Variants in IPO4 observed in about 807,000 individuals in gnomAD.
IPO4 encodes importin-4.
In IPO4, 91 loss-of-function variants were observed where a neutral mutation model predicts 133.5. The ratio of observed to expected loss-of-function variants is 0.68; its 90% confidence interval spans 0.58 to 0.81. IPO4 has a LOEUF of 0.81. IPO4 is among the 30% of genes least tolerant of loss of function. The pLI, the probability that IPO4 is intolerant of heterozygous loss-of-function variation, is 0.00. For missense variants in IPO4, 1,279 were observed against 1,386.2 expected (o/e 0.92, Z 1.23); for synonymous variants, 607 against 581.6 (o/e 1.04, Z -0.63).
intron 28 of IPO4, among the ~76,000 whole-genome samples, chr14:24,181,033 C>A (rs2039128931): frequency 6.6e-6 from 1 of 152,182 alleles, no homozygotes; most frequent in Admixed American, 6.5e-5. Flanking sequence ...TTCACCTACA[C>A]AACAGTCTCT....
Position 24,184,913 on chromosome 14 carries a change from G to T in IPO4, c.1476C>A (p.Ser492Arg). ...ECMLQLLRNP[S>R]SPRAKELAVS... ...CAGCCAGCTCCTTGGCCCGGGGACT[G>T]CTGGGGTTCCTCAGAAGCTGCAGCA... Residue 492 changes from serine (S) to arginine (R), a missense_variant, in exon 15 of 30, where the codon AGC becomes AGA. By Grantham distance (110) the Ser-to-Arg change is moderately radical. This residue lies in a region of IPO4 where 695 missense variants were observed against 704.1 expected (regional missense o/e 0.99). Transcript: ENST00000354464. 6.2e-7 allele frequency: 1 copy of T among 1,614,124 alleles called. No individual in the cohort carries two copies. The highest frequency in any genetic ancestry group is 8.5e-7 in the Non-Finnish European group (1 of 1,180,016).
At position 24,186,071 on chromosome 14, in the gene IPO4, T is replaced by G. The variant is rs755988545; in HGVS notation, c.1059+58A>C. 151 of 1,606,344 alleles carry G rather than the reference T, an allele frequency of 9.4e-5. 1 individual carries two copies. The highest frequency in any genetic ancestry group is 1.3e-4 in the Non-Finnish European group (148 of 1,173,746). ...TCCCAGGGTCTAAACGTCGTTGGCC[T>G]CAGGGGGACTAGGCACACTTGGAGG... is the stretch of plus-strand genomic sequence containing the variant. On this transcript the variant is annotated intron_variant, in intron 11 of 29. Transcript: ENST00000354464.
intron 9 of IPO4, 98 bp downstream of exon 9, chr14:24,186,610 A>C (rs2039226764): frequency 7.3e-7 from 1 of 1,363,702 alleles, no homozygotes; most frequent in Non-Finnish European, 1.0e-6. Context: ...GAACCCCCAC[A>C]GTACTTTAGA....
intron 9 of IPO4, 50 bp downstream of exon 9, chr14:24,186,658 A>T (rs1311650104): frequency 5.2e-6 from 8 of 1,524,530 alleles, no homozygotes; most frequent in Non-Finnish European, 7.3e-6. Context: ...GAGTGAGACT[A>T]AGGGTGGAGA....
At position 24,187,673 on chromosome 14, in the gene IPO4, C is replaced by G. The variant is rs753229046; in HGVS notation, c.402G>C (p.Glu134Asp). Residue 134 changes from glutamate (E) to aspartate (D), a missense_variant, in exon 5 of 30, where the codon GAG (glutamate) becomes GAC (aspartate). By Grantham distance (45) the Glu-to-Asp change is conservative. Coordinates refer to ENST00000354464, the MANE Select transcript of IPO4 (RefSeq NM_024658.4). ...GCCAACCATGTGATGGTACCTCTCTCTCTGGGCTGTGGGGGCTGTGGGTAC... is the reference window on the plus strand; with the variant it reads ...GCCAACCATGTGATGGTACCTCTCTGTCTGGGCTGTGGGGGCTGTGGGTAC... ...QHSTHSPHSP[E>D]REMGLLLLSV... 2 of 1,614,146 alleles carry G rather than the reference C, an allele frequency of 1.2e-6. No individual in the cohort carries two copies. The highest frequency in any genetic ancestry group is 1.3e-5 in the African/African-American group (1 of 75,072).
rs1404322493 is a variant in IPO4, at chr14:24,184,286, G to A, written c.1757+12C>T. ...GGGGACAAGGGCAGAGGCAGGGTGA[G>A]GGGTCACTCACGTGCAGCGCCGCAA... On this transcript the variant is annotated intron_variant, in intron 17 of 29. Coordinates refer to ENST00000354464, the MANE Select transcript of IPO4 (RefSeq NM_024658.4). 5 of 1,579,286 alleles carry A rather than the reference G, an allele frequency of 3.2e-6. No homozygotes were observed. Among genetic ancestry groups the A allele is most frequent in the Admixed American group, 1.8e-5 (1 of 54,456 alleles).
In IPO4 at chr14:24,181,808, A is replaced by G. The variant is rs1278296202; in HGVS notation, c.2843T>C (p.Leu948Pro). Residue 948 changes from leucine to proline, a missense_variant, in exon 27 of 30, where the codon CTC becomes CCC. By Grantham distance (98) the Leu-to-Pro change is moderately conservative. Transcript: ENST00000354464. Reference sequence around the variant, plus strand: ...ACGATCATGTCGCTCCCGCGCCAGGAGGGGAAAAAGGAGCCCCAGCAGCTT... The same window carrying G: ...ACGATCATGTCGCTCCCGCGCCAGGGGGGGAAAAAGGAGCCCCAGCAGCTT... ...FPKLLGLLFPLLARERHDRVR... is the reference protein window; with the variant it reads ...FPKLLGLLFPPLARERHDRVR... 3.1e-6 allele frequency: 5 copies of G among 1,597,584 alleles called. No individual in the cohort carries two copies. Among genetic ancestry groups the G allele is most frequent in the Non-Finnish European group, 4.3e-6 (5 of 1,170,176 alleles).
chr14:24,182,585 A>G (rs2039158141), intron 24 of IPO4, 182 bp from the exon 25 acceptor site: 1 of 972,692 alleles, frequency 1.0e-6, no homozygotes, highest in East Asian at 2.4e-5. Context: ...GCTCCTACCT[A>G]TCACTCCAAG....
Position 24,187,087 on chromosome 14 carries a change from C to G in IPO4, c.652G>C (p.Glu218Gln), listed in dbSNP as rs577171073. 9.1e-5 allele frequency: 147 copies of G among 1,614,054 alleles called. 1 individual carries two copies. The South Asian group carries it at 1.5e-3, about 17-fold the overall frequency. The change falls in exon 7 of 30, where the codon GAG (glutamate) becomes CAG (glutamine). Residue 218 changes from glutamate to glutamine, a missense_variant and splice_region_variant. Coordinates refer to ENST00000354464, the MANE Select transcript of IPO4 (RefSeq NM_024658.4). ...AGCTCCTGCCCACCTGTCCTCACCT[C>G]ATCTATGGGGATCAGAGTCTGCATG... ...MAMQTLIPIDEAKACEALEAL... is the reference protein window; with the variant it reads ...MAMQTLIPIDQAKACEALEAL...
At chr14:24,183,693 T>G (rs918108368) in intron 19 of IPO4, 26 bp from the exon 20 acceptor site, 1 of 1,614,070 alleles carries the variant, frequency 6.2e-7, no homozygotes, top group Non-Finnish European at 8.5e-7. Context: ...GAGGCAGTGG[T>G]GATCAGGCAC....
intron 4 of IPO4, 117 bp from the exon 5 acceptor site, chr14:24,187,913 T>G: frequency 7.6e-7 from 1 of 1,314,200 alleles, no homozygotes; most frequent in Non-Finnish European, 1.1e-6. Context: ...CACAGGGTCT[T>G]TGCCAAGTTG....
chr14:24,185,041 C>T lies in IPO4; in HGVS notation c.1409-61G>A. On this transcript the variant is annotated intron_variant, in intron 14 of 29. Transcript: ENST00000354464. ...GGTCTGCTACCTGCACGCCCACCTC[C>T]CTCCAGGCGGAAACCTTTTTTTGGC... The T allele has an allele frequency of 1.9e-6, 3 of 1,591,328 alleles. No homozygotes were observed. The Admixed American group carries it at 5.1e-5, about 27-fold the overall frequency.
chr14:24,182,551 C>T, intron 24 of IPO4, 148 bp from the exon 25 acceptor site: 1 of 1,156,864 alleles, frequency 8.6e-7, no homozygotes, highest in Admixed American at 2.2e-5. Flanking sequence ...TTTCCATGAC[C>T]CAGCTTCTTC....
At chr14:24,187,047 C>G in intron 7 of IPO4, 38 bp downstream of exon 7, 1 of 1,612,516 alleles carries the variant, frequency 6.2e-7, no homozygotes, top group Non-Finnish European at 8.5e-7. Context: ...CACTTCTGCA[C>G]TCTCCTTCCA....
rs1001115645 is a variant in IPO4, at chr14:24,183,732, T to C, written c.1985+51A>G. On this transcript the variant is annotated intron_variant, in intron 19 of 29. Transcript: ENST00000354464. Reference sequence around the variant, plus strand: ...GAGGAGCAGATCCAGCACTAGGCCCTTGTCTAAAGCCAAAGTCTAGATTCC... The same window carrying C: ...GAGGAGCAGATCCAGCACTAGGCCCCTGTCTAAAGCCAAAGTCTAGATTCC... The C allele has an allele frequency of 6.2e-6, 10 of 1,614,016 alleles. No homozygotes were observed. The African/African-American group carries it at 1.1e-4, about 17-fold the overall frequency.
At chr14:24,180,933 A>G (rs532795807) in intron 28 of IPO4, among the ~76,000 whole-genome samples, 175 bp from the exon 29 acceptor site, 10 of 152,292 alleles carry the variant, frequency 6.6e-5, no homozygotes, top group Non-Finnish European at 1.5e-4. Context: ...ACTTGGTGCT[A>G]ATGATTTTTT....
Position 24,184,079 on chromosome 14 carries a change from C to G in IPO4, c.1788G>C (p.Leu596=), listed in dbSNP as rs762817039. The G allele has an allele frequency of 6.2e-7, 1 of 1,612,818 alleles. No individual in the cohort carries two copies. The highest frequency in any genetic ancestry group is 8.5e-7 in the Non-Finnish European group (1 of 1,179,854). Residue 596 remains leucine (L), a synonymous_variant, in exon 18 of 30, where the codon CTG becomes CTC. Transcript: ENST00000354464. ...TYSLFAALSG[L]MGEGLAPHLE... ...AGTGGGGCGCCAGGCCCTCACCCAT[C>G]AGACCCGATAAGGCTGCAAATAGGC...
rs889311988 is a variant in IPO4, at chr14:24,180,313, G to A, written c.*129C>T. ...GCCTCAGGGACAGCCCTGTAAGGCA[G>A]CAAGTGGGGCTGGCTCCAAATGGGT... On this transcript the variant is annotated 3_prime_UTR_variant, in exon 30 of 30. Transcript: ENST00000354464. 2.0e-6 allele frequency: 3 copies of A among 1,503,508 alleles called. No individual in the cohort carries two copies. Among genetic ancestry groups the A allele is most frequent in the Non-Finnish European group, 2.7e-6 (3 of 1,118,522 alleles). The allele number at this position is 1,503,508 out of a possible 1,614,324, so 93.1% of individuals were successfully genotyped here.
chr14:24,185,358 G>A, intron 13 of IPO4, 46 bp from the exon 14 acceptor site: 2 of 1,613,558 alleles, frequency 1.2e-6, no homozygotes, highest in Non-Finnish European at 1.7e-6. Flanking sequence ...CACCTGCCGG[G>A]CACACACAAG....
Sources: gnomAD v4.1 joint callset for allele counts (sites outside exome capture counted in the v4.1 genomes callset) on GRCh38, gnomAD v4.1.1 for gene constraint, gnomAD v4.1.1 regional missense constraint, MANE v1.5 for transcripts, NCBI Gene and HGNC (gene_info 2026-07-23, HGNC 2026-07-21) for gene names.